OR8G1: variants seen among roughly 807,000 people sequenced by gnomAD.
OR8G1 encodes the protein olfactory receptor family 8 subfamily G member 1.
For missense variants in OR8G1, 372 were observed against 356.2 expected (o/e 1.04, Z -0.36); for synonymous variants, 129 against 133.3 (o/e 0.97, Z 0.22).
chr11:124,246,947 C>T (rs1861817300), intron 1 of OR8G1, among the ~76,000 whole-genome samples: 1 of 149,414 alleles, frequency 6.7e-6, no homozygotes, highest in Admixed American at 6.7e-5. Flanking sequence ...AAAACTGAAA[C>T]AAAAATTATA....
At position 124,250,404 on chromosome 11, in the gene OR8G1, C is replaced by G; in HGVS notation, c.729C>G (p.Ser243=). The change falls in exon 3 of 3, where the codon TCC becomes TCG. Residue 243 remains serine, a synonymous_variant. Transcript: ENST00000641972. ...CCAAAGCCTTCAGCACTTGTAGCTC[C>G]CACATGTTGGCGGTTGTAATCTTTT... is the stretch of plus-strand genomic sequence containing the variant. ...GRSKAFSTCS[S]HMLAVVIFFG... is the part of the protein sequence containing the mutation. The G allele has an allele frequency of 6.2e-7, 1 of 1,613,766 alleles. No individual in the cohort carries two copies. Among genetic ancestry groups the G allele is most frequent in the Non-Finnish European group, 8.5e-7 (1 of 1,179,798 alleles).
At chr11:124,244,071 GGA>G (rs958054430) in intron 1 of OR8G1, among the ~76,000 whole-genome samples, 1 of 49,448 alleles carries the variant, frequency 2.0e-5, no homozygotes, top group Admixed American at 2.2e-4. Context: ...GGATGGAGAG[GGA>G]GAGAGAGATG....
intron 1 of OR8G1, among the ~76,000 whole-genome samples, chr11:124,244,777 A>G (rs1451418845): frequency 6.6e-6 from 1 of 151,954 alleles, no homozygotes; most frequent in African/African-American, 2.4e-5. Flanking sequence ...TTCTACTCCC[A>G]TATCGGGCTA....
At chr11:124,246,425 T>C (rs888809428) in intron 1 of OR8G1, among the ~76,000 whole-genome samples, 2 of 151,918 alleles carry the variant, frequency 1.3e-5, no homozygotes, top group Non-Finnish European at 2.9e-5. Flanking sequence ...GAGAATAATG[T>C]GATTTGCAAA....
intron 2 of OR8G1, 88 bp from the exon 3 acceptor site, chr11:124,249,572 A>G (rs911824333): frequency 3.0e-6 from 4 of 1,346,038 alleles, no homozygotes; most frequent in East Asian, 5.0e-5. Context: ...TAAAGCATGA[A>G]TATCTGGGAA....
At chr11:124,245,966 G>T (rs1861807107) in intron 1 of OR8G1, among the ~76,000 whole-genome samples, 1 of 130,222 alleles carries the variant, frequency 7.7e-6, no homozygotes, top group South Asian at 3.2e-4. Context: ...GTTGTAGGTT[G>T]CCTGTTCACT....
Position 124,252,949 on chromosome 11 carries a change from A to G in OR8G1, c.*2338A>G, listed in dbSNP as rs1470387604. 6.6e-6 allele frequency: 1 copy of G among 152,174 alleles called. No homozygotes were observed. Among genetic ancestry groups the G allele is most frequent in the Non-Finnish European group, 1.5e-5 (1 of 68,022 alleles). 9.4% of individuals were successfully genotyped at this position (152,174 alleles called of 1,614,324 possible). A position where few individuals can be genotyped will look rare whatever the true frequency, so the allele number is the denominator to read the frequency against. On this transcript the variant is annotated 3_prime_UTR_variant, in exon 3 of 3. Transcript: ENST00000641972. ...CAGGACAGCCATCTTGGGAAACATC[A>G]TATGCACTTCTGAGGAAGTGCTGGT...
In OR8G1 at chr11:124,250,197, T is replaced by C. The variant is rs374577476; in HGVS notation, c.522T>C (p.Ile174=). Residue 174 remains isoleucine (I), a synonymous_variant, in exon 3 of 3, where the codon ATT becomes ATC. Transcript: ENST00000641972. ...FRVQFCKFDL[I]NHYFCDLLPL... ...TTCAATTCTGCAAATTTGATTTGAT[T>C]AACCATTATTTCTGTGATCTTCTTC... The C allele has an allele frequency of 3.1e-6, 5 of 1,613,766 alleles. No individual in the cohort carries two copies. The highest frequency in any genetic ancestry group is 4.2e-6 in the Non-Finnish European group (5 of 1,179,826).
At chr11:124,249,552 A>G (rs571188040) in intron 2 of OR8G1, 108 bp from the exon 3 acceptor site, 1 of 1,037,028 alleles carries the variant, frequency 9.6e-7, no homozygotes, top group Admixed American at 2.9e-5. Context: ...ACTTACTCAA[A>G]GGGGATACCT....
rs1861874404 is a variant in OR8G1, at chr11:124,252,436, T to C, written c.*1825T>C. On this transcript the variant is annotated 3_prime_UTR_variant, in exon 3 of 3. Coordinates refer to ENST00000641972, the MANE Select transcript of OR8G1 (RefSeq NM_001002905.2). ...GTTATTTCCTCAGAAAACTCATCTC[T>C]GAAACTCAATCTGCATTACTTTTCC... 1 of 152,206 alleles carries C rather than the reference T, an allele frequency of 6.6e-6. No homozygotes were observed. The highest frequency in any genetic ancestry group is 2.4e-5 in the African/African-American group (1 of 41,452). The allele number at this position is 152,206 out of a possible 1,614,324, so 9.4% of individuals were successfully genotyped here.
At position 124,254,079 on chromosome 11, in the gene OR8G1, A is replaced by G. The variant is rs1861888271; in HGVS notation, c.*3468A>G. On this transcript the variant is annotated 3_prime_UTR_variant, in exon 3 of 3. Transcript: ENST00000641972. Reference sequence around the variant, plus strand: ...CCCGATAGTGGTATTGCTAGGTCATATGGTAGTTCAATTTTTAATTTTTTG... The same window carrying G: ...CCCGATAGTGGTATTGCTAGGTCATGTGGTAGTTCAATTTTTAATTTTTTG... The G allele has an allele frequency of 2.0e-5, 3 of 152,120 alleles. No homozygotes were observed. Among genetic ancestry groups the G allele is most frequent in the Non-Finnish European group, 2.9e-5 (2 of 68,016 alleles). 9.4% of individuals were successfully genotyped at this position (152,120 alleles called of 1,614,324 possible).
chr11:124,242,159 A>T (rs1478717963), intron 1 of OR8G1, among the ~76,000 whole-genome samples: 1 of 151,952 alleles, frequency 6.6e-6, no homozygotes, highest in Non-Finnish European at 1.5e-5. Flanking sequence ...TTATTAAAAG[A>T]TGTATTCATA....
rs772260409 is a variant in OR8G1 at position 124,250,516 on chromosome 11, A to G, written c.841A>G (p.Ile281Val). ...AGTATCCTCTGTGTTTTATACTATT[A>G]TTGTGCCCATGTTGAACCCTCTGAT... ...GKVSSVFYTI[I>V]VPMLNPLIYS... is the part of the protein sequence containing the mutation. The change falls in exon 3 of 3, where the codon ATT becomes GTT. Residue 281 changes from isoleucine (I) to valine (V), a missense_variant. Transcript: ENST00000641972. The G allele has an allele frequency of 3.7e-5, 59 of 1,613,210 alleles. No individual in the cohort carries two copies. Among genetic ancestry groups the G allele is most frequent in the Non-Finnish European group, 4.5e-5 (53 of 1,179,580 alleles).
chr11:124,251,475 T>A lies in OR8G1; in HGVS notation c.*864T>A. The A allele has an allele frequency of 1.4e-6, 1 of 707,538 alleles. No homozygotes were observed. Among genetic ancestry groups the A allele is most frequent in the Non-Finnish European group, 2.1e-6 (1 of 468,230 alleles). 43.8% of individuals were successfully genotyped at this position (707,538 alleles called of 1,614,324 possible). A position where few individuals can be genotyped will look rare whatever the true frequency, so the allele number is the denominator to read the frequency against. On this transcript the variant is annotated 3_prime_UTR_variant, in exon 3 of 3. Coordinates refer to ENST00000641972, the MANE Select transcript of OR8G1 (RefSeq NM_001002905.2). ...TACTTTAGAAGGTTCTTCAAGAATCTATAATATAACTGGTAACATTCTGAC... is the reference window on the plus strand; with the variant it reads ...TACTTTAGAAGGTTCTTCAAGAATCAATAATATAACTGGTAACATTCTGAC...
Position 124,250,778 on chromosome 11 carries a change from G to A in OR8G1, c.*167G>A. On this transcript the variant is annotated 3_prime_UTR_variant, in exon 3 of 3. Transcript: ENST00000641972. ...GACCCTTTGATGTCATTTCCCATGT[G>A]GGGTTTTAACTCATATGTATCAATG... 3.0e-6 allele frequency: 1 copy of A among 337,406 alleles called. No homozygotes were observed. The highest frequency in any genetic ancestry group is 4.9e-6 in the Non-Finnish European group (1 of 202,824). The allele number at this position is 337,406 out of a possible 1,614,324, so 20.9% of individuals were successfully genotyped here. A position where few individuals can be genotyped will look rare whatever the true frequency, so the allele number is the denominator to read the frequency against.
chr11:124,250,522 C>A lies in OR8G1; in HGVS notation c.847C>A (p.Pro283Thr). 1 of 1,612,752 alleles carries A rather than the reference C, an allele frequency of 6.2e-7. No homozygotes were observed. The highest frequency in any genetic ancestry group is 1.1e-5 in the South Asian group (1 of 91,002). The change falls in exon 3 of 3, where the codon CCC becomes ACC. Residue 283 changes from proline (P) to threonine (T), a missense_variant. Transcript: ENST00000641972. ...CTCTGTGTTTTATACTATTATTGTG[C>A]CCATGTTGAACCCTCTGATTTATAG... ...VSSVFYTIIV[P>T]MLNPLIYSLR...
At chr11:124,248,749 A>G (rs1005827106) in intron 2 of OR8G1, among the ~76,000 whole-genome samples, 1 of 152,058 alleles carries the variant, frequency 6.6e-6, no homozygotes, top group South Asian at 2.1e-4. Context: ...GAGAAAAAAA[A>G]TGGAGGTATT....
chr11:124,249,079 AG>A (rs1861838587), intron 2 of OR8G1, among the ~76,000 whole-genome samples: 1 of 152,172 alleles, frequency 6.6e-6, no homozygotes, highest in Non-Finnish European at 1.5e-5. Context: ...TGCTTGGTCC[AG>A]AGACCATAAA....
Position 124,249,881 on chromosome 11 carries a change from T to C in OR8G1, c.206T>C (p.Ile69Thr). 3 of 1,614,098 alleles carry C rather than the reference T, an allele frequency of 1.9e-6. No individual in the cohort carries two copies. Among genetic ancestry groups the C allele is most frequent in the South Asian group, 1.1e-5 (1 of 91,086 alleles). The change falls in exon 3 of 3, where the codon ATT becomes ACT. Residue 69 changes from isoleucine to threonine, a missense_variant. By Grantham distance (89) the Ile-to-Thr change is moderately conservative. Coordinates refer to ENST00000641972, the MANE Select transcript of OR8G1 (RefSeq NM_001002905.2). ...MYYFLSSLSF[I>T]DFCHSTVITP... ...TATTTCCTCAGCAGTCTGTCCTTCATTGACTTCTGCCATTCCACTGTCATT... is the reference window on the plus strand; with the variant it reads ...TATTTCCTCAGCAGTCTGTCCTTCACTGACTTCTGCCATTCCACTGTCATT...
Sources: gnomAD v4.1 joint callset for allele counts (sites outside exome capture counted in the v4.1 genomes callset) on GRCh38, gnomAD v4.1.1 for gene constraint, MANE v1.5 for transcripts, NCBI Gene and HGNC (gene_info 2026-07-23, HGNC 2026-07-21) for gene names.